The following HDAC5 variants were observed in gnomAD, a reference collection of about 807,000 sequenced individuals.
HDAC5 encodes the protein antigen NY-CO-9.
A neutral mutation model predicts 133.3 loss-of-function variants in HDAC5; 25 were observed. That is an observed-to-expected ratio of 0.19 (90% confidence interval 0.14 to 0.26). The LOEUF is 0.26. Ranked by LOEUF, HDAC5 falls within the 10% of genes least tolerant of loss-of-function variation. The pLI is 1.00. For synonymous variants in HDAC5, 589 were observed against 610.8 expected (o/e 0.96, Z 0.53); for missense variants, 1,041 against 1,460.5 (o/e 0.71, Z 4.68).
At chr17:44,107,808 C>G (rs1398377920) in intron 3 of HDAC5, among the ~76,000 whole-genome samples, 2 of 152,080 alleles carry the variant, frequency 1.3e-5, no homozygotes, top group Non-Finnish European at 2.9e-5. Flanking sequence ...CAAACCTGGA[C>G]CCCATGGCAC....
At chr17:44,110,689 C>G in intron 3 of HDAC5, 40 bp downstream of exon 3, 1 of 1,529,230 alleles carries the variant, frequency 6.5e-7, no homozygotes, top group Non-Finnish European at 9.1e-7. Flanking sequence ...GACAAGGATG[C>G]CAGATGACAG....
intron 11 of HDAC5, among the ~76,000 whole-genome samples, chr17:44,089,312 A>G (rs2050816087): frequency 6.6e-6 from 1 of 152,132 alleles, no homozygotes; most frequent in Admixed American, 6.5e-5. Flanking sequence ...CCAGGAGTTC[A>G]AGACCAACCT....
In HDAC5 at chr17:44,092,424, G is replaced by C; in HGVS notation, c.876C>G (p.Thr292=). Residue 292 remains threonine (T), a synonymous_variant, in exon 8 of 27, where the codon ACC becomes ACG. Coordinates refer to ENST00000682912, the MANE Select transcript of HDAC5 (RefSeq NM_005474.5). The stretch of plus-strand genomic sequence containing the variant: ...TGATCTCAACAGCTCTCTTCTTAAA[G>C]GTGCTAATAACAGTCCCATCCTTGC... ...LRRKDGTVIS[T]FKKRAVEITG... 1 of 1,613,998 alleles carries C rather than the reference G, an allele frequency of 6.2e-7. No homozygotes were observed. Among genetic ancestry groups the C allele is most frequent in the Non-Finnish European group, 8.5e-7 (1 of 1,179,930 alleles).
At position 44,088,587 on chromosome 17, in the gene HDAC5, C is replaced by T. The variant is rs1284462746; in HGVS notation, c.1399G>A (p.Gly467Arg). 1 of 1,612,580 alleles carries T rather than the reference C, an allele frequency of 6.2e-7. No individual in the cohort carries two copies. ...TCACCCGTCACTAGTGGGGACTGCCCGTGGAGTGGCACTACGGAGTTGGGG... is the reference window on the plus strand; with the variant it reads ...TCACCCGTCACTAGTGGGGACTGCCTGTGGAGTGGCACTACGGAGTTGGGG... The part of the protein sequence containing the change: ...QSTLIAVPLH[G>R]QSPLVTGERV... Residue 467 changes from glycine to arginine, a missense_variant, in exon 12 of 27, where the codon GGG becomes AGG. Transcript: ENST00000682912.
rs1174241868 is a variant in HDAC5, at chr17:44,077,578, A to G, written c.*798T>C. ...CTTCTCCCCTTGCCCAGGCTGTGCCAGCAGAGGGGCAGGGAGGCCATCCGA... is the reference window on the plus strand; with the variant it reads ...CTTCTCCCCTTGCCCAGGCTGTGCCGGCAGAGGGGCAGGGAGGCCATCCGA... On this transcript the variant is annotated 3_prime_UTR_variant, in exon 27 of 27. Transcript: ENST00000682912. The G allele has an allele frequency of 6.6e-6, 1 of 152,242 alleles. No homozygotes were observed. The highest frequency in any genetic ancestry group is 1.9e-4 in the East Asian group (1 of 5,192). The allele number at this position is 152,242 out of a possible 1,614,324, so 9.4% of individuals were successfully genotyped here.
chr17:44,107,607 CAAA>C (rs61428400), intron 3 of HDAC5, among the ~76,000 whole-genome samples: 3 of 88,702 alleles, frequency 3.4e-5, no homozygotes, highest in Admixed American at 1.3e-4. Flanking sequence ...GACTCCGTAT[CAAA>C]AAAAAAAAAA....
At chr17:44,086,885 G>T in intron 13 of HDAC5, 148 bp from the exon 14 acceptor site, 1 of 456,172 alleles carries the variant, frequency 2.2e-6, no homozygotes, top group Non-Finnish European at 3.6e-6. Context: ...CTCCCTCCAG[G>T]GACAGGAGAC....
chr17:44,122,941 G>A (rs1164101775), intron 1 of HDAC5, among the ~76,000 whole-genome samples: 1 of 152,182 alleles, frequency 6.6e-6, no homozygotes, highest in Non-Finnish European at 1.5e-5. Context: ...CAGGAGACGG[G>A]GTGAGAATAA....
At chr17:44,120,890 A>G (rs1009399929) in intron 1 of HDAC5, among the ~76,000 whole-genome samples, 3 of 152,010 alleles carry the variant, frequency 2.0e-5, no homozygotes, top group African/African-American at 7.3e-5. Flanking sequence ...CCCCCAAGCT[A>G]GGCCAACAGA....
At chr17:44,094,771 C>T (rs188442067) in intron 3 of HDAC5, among the ~76,000 whole-genome samples, 110 of 151,936 alleles carry the variant, frequency 7.2e-4, no homozygotes, top group African/African-American at 2.6e-3. Flanking sequence ...TATATATACA[C>T]ACACACATAC....
intron 11 of HDAC5, among the ~76,000 whole-genome samples, chr17:44,089,622 C>A (rs2050833829): frequency 6.6e-6 from 1 of 151,832 alleles, no homozygotes; most frequent in African/African-American, 2.4e-5. Flanking sequence ...TGGCACATGC[C>A]TGTAATCCCA....
At chr17:44,101,410 CAAAAAAAA>C (rs35671008) in intron 3 of HDAC5, among the ~76,000 whole-genome samples, 10 of 66,796 alleles carry the variant, frequency 1.5e-4, no homozygotes, top group Non-Finnish European at 2.3e-4. Flanking sequence ...GACTCCGTCT[CAAAAAAAA>C]AAAAAAAAAA....
At chr17:44,114,431 C>T (rs2052525067) in intron 2 of HDAC5, among the ~76,000 whole-genome samples, 1 of 146,450 alleles carries the variant, frequency 6.8e-6, no homozygotes, top group Non-Finnish European at 1.5e-5. Flanking sequence ...ACCCAGAGAG[C>T]AGGCGTGGGG....
chr17:44,102,550 G>A (rs1011536661), intron 3 of HDAC5, among the ~76,000 whole-genome samples: 8 of 151,596 alleles, frequency 5.3e-5, no homozygotes, highest in Non-Finnish European at 1.2e-4. Flanking sequence ...TAGTAGAGAC[G>A]GAGTTTCACC....
At chr17:44,108,601 C>T (rs1443239933) in intron 3 of HDAC5, among the ~76,000 whole-genome samples, 1 of 151,786 alleles carries the variant, frequency 6.6e-6, no homozygotes, top group Non-Finnish European at 1.5e-5. Context: ...TGCATCCTGT[C>T]TGGAGACCGA....
intron 21 of HDAC5, 57 bp downstream of exon 21, chr17:44,080,706 A>G: frequency 6.2e-7 from 1 of 1,612,296 alleles, no homozygotes. Flanking sequence ...GCCAGGTCCC[A>G]TTGTGCCACC....
intron 23 of HDAC5, 24 bp downstream of exon 23, chr17:44,080,083 C>T: frequency 2.7e-6 from 4 of 1,509,328 alleles, no homozygotes; most frequent in Non-Finnish European, 3.7e-6. Flanking sequence ...TTCACTTCCT[C>T]CCTCAATCCC....
chr17:44,084,754 C>A, intron 15 of HDAC5, 79 bp from the exon 16 acceptor site: 3 of 1,544,612 alleles, frequency 1.9e-6, no homozygotes, highest in Non-Finnish European at 2.7e-6. Flanking sequence ...CCAGGGCACA[C>A]AGAGCCACTT....
At chr17:44,100,707 C>T (rs1278063915) in intron 3 of HDAC5, among the ~76,000 whole-genome samples, 4 of 150,570 alleles carry the variant, frequency 2.7e-5, no homozygotes, top group African/African-American at 7.3e-5. Context: ...GCTGAGATCG[C>T]GCCATTGCAC....
Sources: gnomAD v4.1 joint callset for allele counts (sites outside exome capture counted in the v4.1 genomes callset) on GRCh38, gnomAD v4.1.1 for gene constraint, MANE v1.5 for transcripts, NCBI Gene and HGNC (gene_info 2026-07-23, HGNC 2026-07-21) for gene names.